ICA1L: variants seen among roughly 807,000 people sequenced by gnomAD.
ICA1L encodes islet cell autoantigen 1-like protein.
ICA1L carries 50 observed loss-of-function variants against 61.3 expected under a neutral mutation model. The observed-to-expected ratio is 0.82, with a 90% CI of 0.65 to 1.03. The LOEUF is 1.03. Among genes scored for constraint, ICA1L ranks in the 50% least tolerant of loss-of-function variants. The pLI is 0.00. For synonymous variants in ICA1L, 161 were observed against 191.3 expected (o/e 0.84, Z 1.31); for missense variants, 508 against 556.7 (o/e 0.91, Z 0.88).
chr2:202,808,843 C>T (rs1418761229), intron 9 of ICA1L, among the ~76,000 whole-genome samples: 1 of 152,206 alleles, frequency 6.6e-6, no homozygotes. Context: ...AATGCAGATA[C>T]AGCTACAATG....
Position 202,814,755 on chromosome 2 carries a change from A to G in ICA1L, c.813T>C (p.Ser271=). The G allele has an allele frequency of 1.9e-6, 3 of 1,613,738 alleles. No individual in the cohort carries two copies. The East Asian group carries it at 6.7e-5, about 36-fold the overall frequency. The stretch of plus-strand genomic sequence containing the variant: ...CTATTTGTTCATCTTTATTGTCTTC[A>G]CTAATCTTGCTTGGCGTGTCTTGTA... ...KQLQDTPSKI[S]EDNKDEQIGG... The change falls in exon 8 of 13, where the codon AGT becomes AGC. Residue 271 remains serine (S), a synonymous_variant. Transcript: ENST00000358299.
intron 1 of ICA1L, among the ~76,000 whole-genome samples, chr2:202,835,138 C>A (rs1474736597): frequency 1.3e-5 from 2 of 151,110 alleles, no homozygotes; most frequent in Non-Finnish European, 2.9e-5. Flanking sequence ...TTTTAAATCT[C>A]CTTGGTTAAA....
intron 1 of ICA1L, among the ~76,000 whole-genome samples, chr2:202,856,520 T>C (rs1198446717): frequency 1.3e-5 from 2 of 152,090 alleles, no homozygotes; most frequent in Non-Finnish European, 2.9e-5. Flanking sequence ...CCATAGCCAA[T>C]ATCATACTAA....
chr2:202,856,153 G>C (rs1694765717), intron 1 of ICA1L, among the ~76,000 whole-genome samples: 1 of 150,752 alleles, frequency 6.6e-6, no homozygotes. Flanking sequence ...GCATAATCCT[G>C]ATACCAAAAC....
chr2:202,791,438 C>G (rs192170857), intron 10 of ICA1L, among the ~76,000 whole-genome samples: 57 of 152,242 alleles, frequency 3.7e-4, no homozygotes, highest in Middle Eastern at 3.4e-3. Flanking sequence ...AAATAATGGT[C>G]AATAGAGTTG....
intron 1 of ICA1L, among the ~76,000 whole-genome samples, chr2:202,866,041 A>G (rs1372975535): frequency 6.6e-6 from 1 of 152,256 alleles, no homozygotes; most frequent in Non-Finnish European, 1.5e-5. Context: ...CTATTAGCAC[A>G]TTGCTGAGAA....
intron 3 of ICA1L, among the ~76,000 whole-genome samples, chr2:202,823,311 A>G (rs1472897509): frequency 1.3e-5 from 2 of 152,188 alleles, no homozygotes; most frequent in Non-Finnish European, 2.9e-5. Context: ...TACTCCCAAC[A>G]CATGTATTAA....
chr2:202,786,016 A>G lies in ICA1L; in HGVS notation c.1244-9T>C. The G allele has an allele frequency of 6.6e-7, 1 of 1,522,236 alleles. No homozygotes were observed. The allele number at this position is 1,522,236 out of a possible 1,614,324, so 94.3% of individuals were successfully genotyped here. On this transcript the variant is annotated splice_polypyrimidine_tract_variant and intron_variant, in intron 11 of 12. Transcript: ENST00000358299. Reference sequence around the variant, plus strand: ...CTCTTGGGAGACCCAGTCTGGGATAAAAGAAGTAAAAATTGTCCATTGTTA... The same window carrying G: ...CTCTTGGGAGACCCAGTCTGGGATAGAAGAAGTAAAAATTGTCCATTGTTA...
chr2:202,793,677 TAAAA>T (rs373036200), intron 10 of ICA1L, among the ~76,000 whole-genome samples: 3 of 133,900 alleles, frequency 2.2e-5, no homozygotes, highest in African/African-American at 8.4e-5. Context: ...AGACTCCATC[TAAAA>T]AAAAAAAGGA....
At chr2:202,783,844 G>A (rs1692490302) in intron 12 of ICA1L, among the ~76,000 whole-genome samples, 2 of 151,214 alleles carry the variant, frequency 1.3e-5, no homozygotes, top group African/African-American at 4.9e-5. Flanking sequence ...TGGCAGAGAG[G>A]CATCATGTCT....
chr2:202,780,467 T>C lies in ICA1L; in HGVS notation c.1334-819A>G, dbSNP rs531945472. 1.1e-4 allele frequency among the ~76,000 whole-genome samples: 17 copies of C among 152,280 alleles called. 1 individual carries two copies. The South Asian group carries it at 3.1e-3, about 28-fold the overall frequency. ...TGTGGCAGATATTCAAGAGTGTATA[T>C]TTGGGCTGAGGGTTGGGACTAATAA... On this transcript the variant is annotated intron_variant, in intron 12 of 12. Coordinates refer to ENST00000358299, the MANE Select transcript of ICA1L (RefSeq NM_001288622.3).
At chr2:202,808,849 C>T (rs192592047) in intron 9 of ICA1L, among the ~76,000 whole-genome samples, 1 of 152,176 alleles carries the variant, frequency 6.6e-6, no homozygotes, top group Admixed American at 6.5e-5. Flanking sequence ...GATACAGCTA[C>T]AATGACCAAA....
chr2:202,865,537 G>C lies in ICA1L; in HGVS notation c.-8+6082C>G, dbSNP rs192512458. On this transcript the variant is annotated intron_variant, in intron 1 of 12. Transcript: ENST00000358299. Reference sequence around the variant, plus strand: ...TAACATCATCCTTAACTGTGAAATAGTGAATATTTACCTTTAATATTGGGA... The same window carrying C: ...TAACATCATCCTTAACTGTGAAATACTGAATATTTACCTTTAATATTGGGA... 1.8e-3 allele frequency among the ~76,000 whole-genome samples: 274 copies of C among 151,678 alleles called. 6 individuals are homozygous for C. The highest frequency in any genetic ancestry group is 3.1e-4 in the Non-Finnish European group (21 of 67,958).
chr2:202,773,646 C>G lies in ICA1L; in HGVS notation c.*5887G>C. On this transcript the variant is annotated 3_prime_UTR_variant, in exon 13 of 13. Transcript: ENST00000358299. The stretch of plus-strand genomic sequence containing the variant: ...AGCCTCTTTCCCACAAACTAAATTC[C>G]ATCCATTTGAGCTTTCAGAGATAGA... The G allele has an allele frequency of 1.4e-6, 1 of 696,512 alleles. No individual in the cohort carries two copies. 43.1% of individuals were successfully genotyped at this position (696,512 alleles called of 1,614,324 possible).
At chr2:202,817,337 T>G in intron 6 of ICA1L, 81 bp downstream of exon 6, 1 of 1,288,162 alleles carries the variant, frequency 7.8e-7, no homozygotes, top group East Asian at 2.6e-5. Flanking sequence ...CATAAATTTT[T>G]ACACCCTTTA....
chr2:202,803,400 C>CAAAA (rs71030990), intron 9 of ICA1L, among the ~76,000 whole-genome samples: 12 of 60,644 alleles, frequency 2.0e-4, no homozygotes, highest in Non-Finnish European at 2.4e-4. Flanking sequence ...GACTCGATCT[C>CAAAA]AAAAAAAAAA....
chr2:202,818,612 C>T (rs1263139773), intron 5 of ICA1L, among the ~76,000 whole-genome samples: 1 of 152,102 alleles, frequency 6.6e-6, no homozygotes, highest in Non-Finnish European at 1.5e-5. Flanking sequence ...GGGGGCAGGT[C>T]TTTCCCATGC....
chr2:202,786,908 T>A, intron 11 of ICA1L: 1 of 341,834 alleles, frequency 2.9e-6, no homozygotes, highest in Non-Finnish European at 5.7e-6. Flanking sequence ...TGCTACAACA[T>A]GAAAAACCAT....
chr2:202,851,828 C>G (rs888094683), intron 1 of ICA1L, among the ~76,000 whole-genome samples: 1 of 152,224 alleles, frequency 6.6e-6, no homozygotes, highest in East Asian at 1.9e-4. Flanking sequence ...AGTGTCTGTT[C>G]ATATCCTTCT....
Sources: allele counts gnomAD v4.1 joint callset (sites outside exome capture counted in the v4.1 genomes callset), GRCh38; gene constraint gnomAD v4.1.1; transcripts MANE v1.5; gene names NCBI Gene and HGNC (gene_info 2026-07-23, HGNC 2026-07-21).